Variants in PREB observed in about 807,000 individuals in gnomAD.
The protein encoded by PREB is prolactin regulatory element binding.
In PREB, 29 loss-of-function variants were observed where a neutral mutation model predicts 46.7. The ratio of observed to expected loss-of-function variants is 0.62; its 90% CI spans 0.46 to 0.85. PREB has a LOEUF of 0.85. PREB is among the 40% of genes least tolerant of loss of function. PREB has a pLI of 0.00. For synonymous variants in PREB, 224 were observed against 220.1 expected (o/e 1.02, Z -0.16); for missense variants, 494 against 528.4 (o/e 0.93, Z 0.64).
rs371609083 is a variant in PREB at position 27,133,282 on chromosome 2, T to C, written c.381A>G (p.Lys127=). The C allele has an allele frequency of 5.0e-6, 8 of 1,614,056 alleles. No individual in the cohort carries two copies. The highest frequency in any genetic ancestry group is 6.8e-6 in the Non-Finnish European group (8 of 1,180,046). The change falls in exon 3 of 9, where the codon AAA becomes AAG. Residue 127 remains lysine, a synonymous_variant. Transcript: ENST00000260643. Reference sequence around the variant, plus strand: ...CCTCGTGCTGGGTTTCCGCTCCACATTTCTTCTCTGCTGGGGCTGCTCCCT... The same window carrying C: ...CCTCGTGCTGGGTTTCCGCTCCACACTTCTTCTCTGCTGGGGCTGCTCCCT... ...QRKGAAPAEK[K]CGAETQHEGL...
rs778300956 is a variant in PREB, at chr2:27,131,833, T to TG, written c.1000-3dup. The TG allele has an allele frequency of 1.2e-6, 2 of 1,613,702 alleles. No individual in the cohort carries two copies. Among genetic ancestry groups the TG allele is most frequent in the Admixed American group, 3.3e-5 (2 of 59,952 alleles). On this transcript the variant is annotated splice_region_variant and splice_polypyrimidine_tract_variant and intron_variant, in intron 7 of 8. Coordinates refer to ENST00000260643, the MANE Select transcript of PREB (RefSeq NM_013388.6). The stretch of plus-strand genomic sequence containing the variant: ...GGCCTCCCTCACGTAGTAGAGGCAC[T>TG]GTGGGCAGAAGGAATACCAGTGAGG...
In PREB at chr2:27,132,968, T is replaced by C; in HGVS notation, c.547-45A>G. ...ATGGTTAACTCAGGTGTCCAGCAAGTACACTGTGACTGATGCCCACGCCAC... is the reference window on the plus strand; with the variant it reads ...ATGGTTAACTCAGGTGTCCAGCAAGCACACTGTGACTGATGCCCACGCCAC... On this transcript the variant is annotated intron_variant, in intron 3 of 8. Transcript: ENST00000260643. This position sits in a 1 kb window ranked among gnomAD's most constrained non-coding sequence, Gnocchi z 4.0. The C allele has an allele frequency of 6.2e-7, 1 of 1,608,406 alleles. No homozygotes were observed. The highest frequency in any genetic ancestry group is 8.5e-7 in the Non-Finnish European group (1 of 1,175,124).
Position 27,132,786 on chromosome 2 carries a change from C to T in PREB, c.627+57G>A. ...TTAGGGGATCCACTTACTGGGCAAG[C>T]AGCATAAGCACCTCCTCTCTCCTTT... On this transcript the variant is annotated intron_variant, in intron 4 of 8. Transcript: ENST00000260643. The surrounding 1 kb of genome is among the most constrained non-coding windows in gnomAD (Gnocchi z 4.0). 1 of 1,613,242 alleles carries T rather than the reference C, an allele frequency of 6.2e-7. No individual in the cohort carries two copies. The highest frequency in any genetic ancestry group is 8.5e-7 in the Non-Finnish European group (1 of 1,179,230).
chr2:27,133,783 G>C lies in PREB; in HGVS notation c.136-62C>G, dbSNP rs564995447. ...GTGCCCAGAGAGCACGTTTAGGGAA[G>C]AGTCTGATGTCTTACCCCTTTGCTT... On this transcript the variant is annotated intron_variant, in intron 1 of 8. Coordinates refer to ENST00000260643, the MANE Select transcript of PREB (RefSeq NM_013388.6). The C allele has an allele frequency of 5.5e-5, 83 of 1,517,622 alleles. No homozygotes were observed. In the African/African-American group the frequency reaches 9.9e-4, roughly 18 times the overall value. The allele number at this position is 1,517,622 out of a possible 1,614,324, so 94.0% of individuals were successfully genotyped here.
Position 27,134,547 on chromosome 2 carries a change from T to G in PREB, c.-126A>C, listed in dbSNP as rs1672424004. ...CCGCCGGGAGCACTCCCTACCCCTCTCACACCGGGGAGTTGCCAAAACCCT... is the reference window on the plus strand; with the variant it reads ...CCGCCGGGAGCACTCCCTACCCCTCGCACACCGGGGAGTTGCCAAAACCCT... On this transcript the variant is annotated 5_prime_UTR_variant, in exon 1 of 9. Coordinates refer to ENST00000260643, the MANE Select transcript of PREB (RefSeq NM_013388.6). 1.1e-5 allele frequency: 15 copies of G among 1,361,830 alleles called. No individual in the cohort carries two copies. The highest frequency in any genetic ancestry group is 1.4e-5 in the Non-Finnish European group (15 of 1,064,418). The allele number at this position is 1,361,830 out of a possible 1,614,324, so 84.4% of individuals were successfully genotyped here.
rs1672245678 is a variant in PREB, at chr2:27,131,184, T to C, written c.*230A>G. ...CAGGGAGTATGGCCTGGGCTTCAGA[T>C]ACCGCTGTTCTGGATGGATCCACAG... On this transcript the variant is annotated 3_prime_UTR_variant, in exon 9 of 9. Transcript: ENST00000260643. 1.7e-6 allele frequency: 1 copy of C among 575,294 alleles called. No individual in the cohort carries two copies. The highest frequency in any genetic ancestry group is 1.9e-5 in the African/African-American group (1 of 53,422). The allele number at this position is 575,294 out of a possible 1,614,324, so 35.6% of individuals were successfully genotyped here. A position where few individuals can be genotyped will look rare whatever the true frequency, so the allele number is the denominator to read the frequency against.
Position 27,132,322 on chromosome 2 carries a change from AG to A in PREB, c.833del (p.Pro278LeufsTer38). 6.2e-7 allele frequency: 1 copy of A among 1,614,078 alleles called. No individual in the cohort carries two copies. The highest frequency in any genetic ancestry group is 8.5e-7 in the Non-Finnish European group (1 of 1,179,990). On this transcript the variant is annotated frameshift_variant, in exon 6 of 9. Transcript: ENST00000260643. LOFTEE classifies it high-confidence loss of function. This position sits in a 1 kb window ranked among gnomAD's most constrained non-coding sequence, Gnocchi z 4.0. ...QIPHKRLRQP[P>X]PCYLTAWDGS... is the part of the protein sequence containing the mutation. ...CATCCCAGGCTGTGAGGTAGCAGGG[AG>A]GGGGCTGGCGCAGGCGCTTGTGGGG...
At position 27,131,991 on chromosome 2, in the gene PREB, G is replaced by A. The variant is rs1558478661; in HGVS notation, c.999+19C>T. On this transcript the variant is annotated intron_variant, in intron 7 of 8. Transcript: ENST00000260643. The stretch of plus-strand genomic sequence containing the variant: ...GCCTACAGTCCACCCACAGGGCCAT[G>A]CCAACCTCCACCCATTACCTGGAGA... 1 of 1,612,010 alleles carries A rather than the reference G, an allele frequency of 6.2e-7. No homozygotes were observed. Among genetic ancestry groups the A allele is most frequent in the East Asian group, 2.2e-5 (1 of 44,868 alleles).
chr2:27,130,772 ACT>A lies in PREB; in HGVS notation c.*640_*641del. 1 of 1,601,236 alleles carries A rather than the reference ACT, an allele frequency of 6.2e-7. No homozygotes were observed. Among genetic ancestry groups the A allele is most frequent in the Non-Finnish European group, 8.6e-7 (1 of 1,169,102 alleles). On this transcript the variant is annotated 3_prime_UTR_variant, in exon 9 of 9. Coordinates refer to ENST00000260643, the MANE Select transcript of PREB (RefSeq NM_013388.6). ...AGAGTACCATTTGGGGTCTCAGTTC[ACT>A]CTTTCCTTGTTTATTAAATATCAAC...
Position 27,131,840 on chromosome 2 carries a change from A to C in PREB, c.1000-9T>G. The C allele has an allele frequency of 6.2e-7, 1 of 1,613,514 alleles. No homozygotes were observed. On this transcript the variant is annotated splice_polypyrimidine_tract_variant and intron_variant, in intron 7 of 8. Coordinates refer to ENST00000260643, the MANE Select transcript of PREB (RefSeq NM_013388.6). ...CTCACGTAGTAGAGGCACTGTGGGC[A>C]GAAGGAATACCAGTGAGGAAAGGCC...
intron 7 of PREB, 37 bp downstream of exon 7, chr2:27,131,973 G>T (rs1481607170): frequency 6.2e-7 from 1 of 1,603,172 alleles, no homozygotes; most frequent in East Asian, 2.2e-5. Context: ...CAGGCCTACA[G>T]TCCACCCACA....
rs1558478560 is a variant in PREB, at chr2:27,131,833, T to C, written c.1000-2A>G. 1.2e-6 allele frequency: 2 copies of C among 1,613,702 alleles called. No homozygotes were observed. The highest frequency in any genetic ancestry group is 3.3e-5 in the Admixed American group (2 of 59,952). ...GGCCTCCCTCACGTAGTAGAGGCACTGTGGGCAGAAGGAATACCAGTGAGG... is the reference window on the plus strand; with the variant it reads ...GGCCTCCCTCACGTAGTAGAGGCACCGTGGGCAGAAGGAATACCAGTGAGG... On this transcript the variant is annotated splice_acceptor_variant, in intron 7 of 8. Transcript: ENST00000260643. LOFTEE classifies it high-confidence loss of function.
At position 27,133,621 on chromosome 2, in the gene PREB, C is replaced by G; in HGVS notation, c.236G>C (p.Gly79Ala). The change falls in exon 2 of 9, where the codon GGT becomes GCT. Residue 79 changes from glycine (G) to alanine (A), a missense_variant. Physicochemically the swap from Gly to Ala is moderately conservative, Grantham distance 60. Coordinates refer to ENST00000260643, the MANE Select transcript of PREB (RefSeq NM_013388.6). ...TRATMNLALA[G>A]DILAAGQDAH... ...ATCCTGCCCTGCAGCAAGGATGTCA[C>G]CAGCCAGTGCCAAGTTCATGGTGGC... 1 of 1,614,232 alleles carries G rather than the reference C, an allele frequency of 6.2e-7. No homozygotes were observed. The highest frequency in any genetic ancestry group is 8.5e-7 in the Non-Finnish European group (1 of 1,180,044).
At position 27,131,215 on chromosome 2, in the gene PREB, G is replaced by A. The variant is rs966631758; in HGVS notation, c.*199C>T. On this transcript the variant is annotated 3_prime_UTR_variant, in exon 9 of 9. Coordinates refer to ENST00000260643, the MANE Select transcript of PREB (RefSeq NM_013388.6). Reference sequence around the variant, plus strand: ...TGTTCTGGATGGATCCACAGATGACGAAGGCAAGGTTCCTGGGACCTGGAG... The same window carrying A: ...TGTTCTGGATGGATCCACAGATGACAAAGGCAAGGTTCCTGGGACCTGGAG... 17 of 608,594 alleles carry A rather than the reference G, an allele frequency of 2.8e-5. No homozygotes were observed. Among genetic ancestry groups the A allele is most frequent in the East Asian group, 5.5e-5 (2 of 36,180 alleles). 37.7% of individuals were successfully genotyped at this position (608,594 alleles called of 1,614,324 possible). A position where few individuals can be genotyped will look rare whatever the true frequency, so the allele number is the denominator to read the frequency against.
In PREB at chr2:27,131,843, A is replaced by G; in HGVS notation, c.1000-12T>C. The G allele has an allele frequency of 6.2e-7, 1 of 1,613,178 alleles. No homozygotes were observed. The highest frequency in any genetic ancestry group is 8.5e-7 in the Non-Finnish European group (1 of 1,179,488). ...ACGTAGTAGAGGCACTGTGGGCAGA[A>G]GGAATACCAGTGAGGAAAGGCCTAG... On this transcript the variant is annotated splice_polypyrimidine_tract_variant and intron_variant, in intron 7 of 8. Coordinates refer to ENST00000260643, the MANE Select transcript of PREB (RefSeq NM_013388.6).
At chr2:27,131,922 T>C (rs1157913524) in intron 7 of PREB, 88 bp downstream of exon 7, 10 of 1,592,140 alleles carry the variant, frequency 6.3e-6, no homozygotes, top group East Asian at 2.2e-5. Flanking sequence ...TTTCCCTCGA[T>C]AGGATGGGCC....
chr2:27,133,235 T>C lies in PREB; in HGVS notation c.428A>G (p.Asn143Ser). ...QHEGLELRVENLQAVQTDFSS... is the reference protein window; with the variant it reads ...QHEGLELRVESLQAVQTDFSS... ...AAAGTCTGTCTGCACCGCCTGCAAA[T>C]TCTCTACCCTGAGTTCTAGCCCCTC... Residue 143 changes from asparagine to serine, a missense_variant, in exon 3 of 9, where the codon AAT (asparagine) becomes AGT (serine). Coordinates refer to ENST00000260643, the MANE Select transcript of PREB (RefSeq NM_013388.6). 1 of 1,614,180 alleles carries C rather than the reference T, an allele frequency of 6.2e-7. No individual in the cohort carries two copies. The highest frequency in any genetic ancestry group is 8.5e-7 in the Non-Finnish European group (1 of 1,180,026).
rs1446801392 is a variant in PREB at position 27,134,359 on chromosome 2, G to C, written c.63C>G (p.Val21=). The change falls in exon 1 of 9, where the codon GTC becomes GTG. Residue 21 remains valine, a synonymous_variant. Coordinates refer to ENST00000260643, the MANE Select transcript of PREB (RefSeq NM_013388.6). ...RAPFPLYALQ[V]DPSTGLLIAA... Reference sequence around the variant, plus strand: ...CGATGAGCAGCCCAGTGCTGGGGTCGACCTGAAGCGCGTACAACGGGAACG... The same window carrying C: ...CGATGAGCAGCCCAGTGCTGGGGTCCACCTGAAGCGCGTACAACGGGAACG... The C allele has an allele frequency of 5.0e-6, 8 of 1,611,060 alleles. No individual in the cohort carries two copies. The highest frequency in any genetic ancestry group is 6.8e-6 in the Non-Finnish European group (8 of 1,179,414).
chr2:27,131,875 ACT>A (rs749763367), intron 7 of PREB, 44 bp from the exon 8 acceptor site: 26 of 1,604,544 alleles, frequency 1.6e-5, no homozygotes, highest in South Asian at 3.3e-5. Flanking sequence ...CTAGCTGGGA[ACT>A]CTCTTTCTGG....
Sources: allele counts gnomAD v4.1 joint callset, GRCh38; gene constraint gnomAD v4.1.1; non-coding constraint Gnocchi (gnomAD v3.1); transcripts MANE v1.5; gene names NCBI Gene and HGNC (gene_info 2026-07-23, HGNC 2026-07-21).